Variants in GTF2H5 observed in about 807,000 individuals in gnomAD.
GTF2H5 encodes the protein TFB5 ortholog.
In GTF2H5, 5 loss-of-function variants were observed where a neutral mutation model predicts 7.1. The ratio of observed to expected loss-of-function variants is 0.71; its 90% CI spans 0.37 to 1.49. The LOEUF (loss-of-function observed/expected upper bound fraction) is 1.49. Among genes scored for constraint, GTF2H5 ranks in the 40% most tolerant of loss-of-function variants. The probability of loss-of-function intolerance (pLI) is 0.03; values close to 1 mark genes in which losing one functional copy is unlikely to be tolerated. For missense variants in GTF2H5, 80 were observed against 83.0 expected, an observed-to-expected ratio of 0.96 and a Z score of 0.14; for synonymous variants, 30 against 31.7, an observed-to-expected ratio of 0.95 and a Z score of 0.18.
chr6:158,169,693 TTATATAA>T (rs1785791234), intron 1 of GTF2H5, among the ~76,000 whole-genome samples: 1 of 66,148 alleles, frequency 1.5e-5, no homozygotes, highest in Non-Finnish European at 2.5e-5. Flanking sequence ...ATAATATATA[TTATATAA>T]TATATTGTAT....
rs974985047 is a variant in GTF2H5, at chr6:158,192,499, G to A, written c.*342G>A. ...CCTGTGATCTGTGCATTTTTGCTGC[G>A]TGGATGTGATTGTTTGGTTTCAGTT... is the stretch of plus-strand genomic sequence containing the variant. On this transcript the variant is annotated 3_prime_UTR_variant, in exon 3 of 3. Coordinates refer to ENST00000607778, the MANE Select transcript of GTF2H5 (RefSeq NM_207118.3). The A allele has an allele frequency of 3.1e-5, 9 of 286,976 alleles. 1 individual carries two copies. The highest frequency in any genetic ancestry group is 1.1e-4 in the South Asian group (3 of 27,126). 17.8% of individuals were successfully genotyped at this position (286,976 alleles called of 1,614,324 possible).
At chr6:158,185,055 C>G (rs563234320) in intron 2 of GTF2H5, among the ~76,000 whole-genome samples, 1 of 150,994 alleles carries the variant, frequency 6.6e-6, no homozygotes, top group East Asian at 1.9e-4. Context: ...TTCTGCTACT[C>G]TCAATATAGA....
intron 1 of GTF2H5, among the ~76,000 whole-genome samples, chr6:158,169,406 ATAT>A (rs1785723866): frequency 1.2e-5 from 1 of 86,248 alleles, no homozygotes; most frequent in South Asian, 3.1e-4. Flanking sequence ...ATTATATTGT[ATAT>A]TATATATTAT....
chr6:158,182,867 C>T (rs867483834), intron 2 of GTF2H5, among the ~76,000 whole-genome samples: 1 of 152,130 alleles, frequency 6.6e-6, no homozygotes, highest in South Asian at 2.1e-4. Flanking sequence ...CCTTCTGAAG[C>T]CAACTTCTGT....
In GTF2H5 at chr6:158,194,317, G is replaced by T. The variant is rs1244682900; in HGVS notation, c.*2160G>T. Reference sequence around the variant, plus strand: ...TTATTTAGCTGGCAGCCAAGAGGTGGCTCACACTTGGAATTCTCTCAGCTC... The same window carrying T: ...TTATTTAGCTGGCAGCCAAGAGGTGTCTCACACTTGGAATTCTCTCAGCTC... On this transcript the variant is annotated 3_prime_UTR_variant, in exon 3 of 3. Coordinates refer to ENST00000607778, the MANE Select transcript of GTF2H5 (RefSeq NM_207118.3). 1 of 152,188 alleles carries T rather than the reference G, an allele frequency of 6.6e-6. No individual in the cohort carries two copies. Among genetic ancestry groups the T allele is most frequent in the Non-Finnish European group, 1.5e-5 (1 of 68,040 alleles). 9.4% of individuals were successfully genotyped at this position (152,188 alleles called of 1,614,324 possible).
intron 2 of GTF2H5, among the ~76,000 whole-genome samples, chr6:158,175,044 G>GTGTGTGTGTGTGTATGTGTGTGTGTGTA: frequency 1.4e-5 from 2 of 142,852 alleles, no homozygotes; most frequent in African/African-American, 5.3e-5. Context: ...GTGTGTGTGT[G>GTGTGTGTGTGTGTATGTGTGTGTGTGTA]TATACACACA....
At chr6:158,169,784 A>ATTATATATAATATATTGTATT (rs1785817445) in intron 1 of GTF2H5, among the ~76,000 whole-genome samples, 2 of 116,306 alleles carry the variant, frequency 1.7e-5, no homozygotes, top group Non-Finnish European at 3.3e-5. Flanking sequence ...TATATTGTAT[A>ATTATATATAATATATTGTATT]TTATATATTA....
intron 2 of GTF2H5, among the ~76,000 whole-genome samples, chr6:158,177,009 A>C (rs1425776609): frequency 3.3e-5 from 5 of 152,230 alleles, no homozygotes; most frequent in South Asian, 4.1e-4. Context: ...TCATTCCAGT[A>C]AACCCACAGC....
At chr6:158,186,335 T>TA (rs1312898427) in intron 2 of GTF2H5, among the ~76,000 whole-genome samples, 1 of 152,240 alleles carries the variant, frequency 6.6e-6, no homozygotes, top group Non-Finnish European at 1.5e-5. Context: ...AAAGTCTTCA[T>TA]AACCACTTAA....
intron 2 of GTF2H5, among the ~76,000 whole-genome samples, chr6:158,183,308 G>A (rs1786034543): frequency 6.6e-6 from 1 of 152,216 alleles, no homozygotes; most frequent in Admixed American, 6.5e-5. Flanking sequence ...CCTACTGGGA[G>A]GTGTCTCCCA....
At position 158,191,971 on chromosome 6, in the gene GTF2H5, T is replaced by G. The variant is rs1777035939; in HGVS notation, c.36-6T>G. ...CTGTCTTACAATCATGTGTTTGTCT[T>G]TACAGTGATCCTGCCATGAAGCAGT... On this transcript the variant is annotated splice_polypyrimidine_tract_variant and splice_region_variant and intron_variant, in intron 2 of 2. Coordinates refer to ENST00000607778, the MANE Select transcript of GTF2H5 (RefSeq NM_207118.3). 1 of 1,612,344 alleles carries G rather than the reference T, an allele frequency of 6.2e-7. No homozygotes were observed. Among genetic ancestry groups the G allele is most frequent in the Admixed American group, 1.7e-5 (1 of 60,018 alleles).
rs1554267060 is a variant in GTF2H5 at position 158,169,638 on chromosome 6, C to CATAATGTATATTATATA, written c.-34-829_-34-828insATGTATATTATATAATA. Among the ~76,000 whole-genome samples, 23 of 44,450 alleles carry CATAATGTATATTATATA rather than the reference C, an allele frequency of 5.2e-4. 2 individuals are homozygous for CATAATGTATATTATATA. Among genetic ancestry groups the CATAATGTATATTATATA allele is most frequent in the Non-Finnish European group, 6.7e-4 (19 of 28,438 alleles). 29.2% of individuals were successfully genotyped at this position (44,450 alleles called of 152,430 possible). A position where few individuals can be genotyped will look rare whatever the true frequency, so the allele number is the denominator to read the frequency against. On this transcript the variant is annotated intron_variant, in intron 1 of 2. Coordinates refer to ENST00000607778, the MANE Select transcript of GTF2H5 (RefSeq NM_207118.3). ...ATTACATATAATATATTGTATATTA[C>CATAATGTATATTATATA]ATATATTGTATATTACATATAATAT... is the stretch of plus-strand genomic sequence containing the variant.
intron 1 of GTF2H5, among the ~76,000 whole-genome samples, chr6:158,169,607 T>A (rs185184377): frequency 2.3e-4 from 15 of 64,674 alleles, no homozygotes; most frequent in Non-Finnish European, 3.3e-4. Context: ...ATTACATATA[T>A]TGTATATTAC....
chr6:158,169,687 T>C (rs1785786530), intron 1 of GTF2H5, among the ~76,000 whole-genome samples: 1 of 44,954 alleles, frequency 2.2e-5, no homozygotes, highest in Non-Finnish European at 3.3e-5. Context: ...TAATATATAA[T>C]ATATATTATA....
rs991043291 is a variant in GTF2H5 at position 158,193,322 on chromosome 6, G to A, written c.*1165G>A. 1 of 152,092 alleles carries A rather than the reference G, an allele frequency of 6.6e-6. No individual in the cohort carries two copies. The highest frequency in any genetic ancestry group is 1.5e-5 in the Non-Finnish European group (1 of 68,012). 9.4% of individuals were successfully genotyped at this position (152,092 alleles called of 1,614,324 possible). A position where few individuals can be genotyped will look rare whatever the true frequency, so the allele number is the denominator to read the frequency against. ...ATATGTATGTGTGTATATATAGCAAGAGAGAGTTCTGTGATCAATTGAAGG... is the reference window on the plus strand; with the variant it reads ...ATATGTATGTGTGTATATATAGCAAAAGAGAGTTCTGTGATCAATTGAAGG... On this transcript the variant is annotated 3_prime_UTR_variant, in exon 3 of 3. Coordinates refer to ENST00000607778, the MANE Select transcript of GTF2H5 (RefSeq NM_207118.3).
At chr6:158,169,489 T>C (rs1396331150) in intron 1 of GTF2H5, among the ~76,000 whole-genome samples, 2 of 56,362 alleles carry the variant, frequency 3.5e-5, no homozygotes, top group Non-Finnish European at 5.4e-5. Context: ...TATAATATAT[T>C]GTATATTATA....
At chr6:158,170,240 C>T (rs1415863341) in intron 1 of GTF2H5, among the ~76,000 whole-genome samples, 1 of 152,064 alleles carries the variant, frequency 6.6e-6, no homozygotes, top group Non-Finnish European at 1.5e-5. Flanking sequence ...GGCTAATTGA[C>T]CTTGGGTAGA....
rs1165370090 is a variant in GTF2H5, at chr6:158,193,196, G to A, written c.*1039G>A. ...TGCCTGTTGTCCCAGCCACTGGGGA[G>A]GCTGAGGTAGGAGGTCAAGGCTGCA... On this transcript the variant is annotated 3_prime_UTR_variant, in exon 3 of 3. Transcript: ENST00000607778. 1.2e-5 allele frequency: 1 copy of A among 86,102 alleles called. No individual in the cohort carries two copies. The highest frequency in any genetic ancestry group is 3.1e-4 in the South Asian group (1 of 3,186). 5.3% of individuals were successfully genotyped at this position (86,102 alleles called of 1,614,324 possible). A position where few individuals can be genotyped will look rare whatever the true frequency, so the allele number is the denominator to read the frequency against.
chr6:158,187,810 C>T (rs1481990805), intron 2 of GTF2H5, among the ~76,000 whole-genome samples: 2 of 152,244 alleles, frequency 1.3e-5, no homozygotes, highest in Non-Finnish European at 1.5e-5. Context: ...TCGTGATCCG[C>T]CTGCCTCGGC....
Sources: allele counts gnomAD v4.1 joint callset (sites outside exome capture counted in the v4.1 genomes callset), GRCh38; gene constraint gnomAD v4.1.1; transcripts MANE v1.5; gene names NCBI Gene and HGNC (gene_info 2026-07-23, HGNC 2026-07-21).